RB1: variants seen among roughly 807,000 people sequenced by gnomAD.
The protein encoded by RB1 is RB transcriptional corepressor 1, also known as retinoblastoma-associated protein.
In RB1, 18 loss-of-function variants were observed where a neutral mutation model predicts 135.4. That is an observed-to-expected ratio of 0.13 (90% CI 0.09 to 0.20). The LOEUF is 0.20. RB1 is among the 10% of genes least tolerant of loss of function. The pLI is 1.00. For missense variants in RB1, 868 were observed against 1,110.0 expected (o/e 0.78, Z 3.10); for synonymous variants, 365 against 373.2 (o/e 0.98, Z 0.25).
At chr13:48,450,038 T>C (rs540966159) in intron 17 of RB1, among the ~76,000 whole-genome samples, 3 of 152,184 alleles carry the variant, frequency 2.0e-5, no homozygotes, top group Non-Finnish European at 4.4e-5. Flanking sequence ...ATGGATAGAT[T>C]GCAAAAATTT....
At chr13:48,311,309 G>A (rs1952128713) in intron 2 of RB1, among the ~76,000 whole-genome samples, 1 of 152,140 alleles carries the variant, frequency 6.6e-6, no homozygotes, top group Non-Finnish European at 1.5e-5. Context: ...TTGTGATATG[G>A]TGGTTATATT....
chr13:48,331,161 C>T (rs1426606690), intron 2 of RB1, among the ~76,000 whole-genome samples: 2 of 152,142 alleles, frequency 1.3e-5, no homozygotes. Context: ...ACGTGATAAG[C>T]CCACAGCTAG....
intron 17 of RB1, among the ~76,000 whole-genome samples, chr13:48,395,068 C>A (rs1948637391): frequency 7.6e-6 from 1 of 132,436 alleles, no homozygotes; most frequent in African/African-American, 2.7e-5. Flanking sequence ...GCAATCTTTG[C>A]TCTTCTGCAA....
intron 2 of RB1, among the ~76,000 whole-genome samples, chr13:48,316,140 C>T (rs560456198): frequency 1.1e-4 from 16 of 152,140 alleles, no homozygotes; most frequent in Non-Finnish European, 1.6e-4. Context: ...CTGACATCCG[C>T]GGGGATTTCA....
At chr13:48,423,030 T>C (rs780991274) in intron 17 of RB1, among the ~76,000 whole-genome samples, 2 of 152,016 alleles carry the variant, frequency 1.3e-5, no homozygotes, top group Non-Finnish European at 2.9e-5. Context: ...CTAGGGAGGC[T>C]GAGGTGGGTG....
intron 2 of RB1, among the ~76,000 whole-genome samples, chr13:48,326,218 A>C (rs1952285849): frequency 6.6e-6 from 1 of 152,148 alleles, no homozygotes; most frequent in Admixed American, 6.5e-5. Context: ...TTATTGAATA[A>C]ATCGAATACA....
At chr13:48,348,753 A>T (rs1248167949) in intron 5 of RB1, among the ~76,000 whole-genome samples, 1 of 151,262 alleles carries the variant, frequency 6.6e-6, no homozygotes, top group Non-Finnish European at 1.5e-5. Context: ...TCTTAGAATT[A>T]TAAGACATAG....
In RB1 at chr13:48,313,803, C is replaced by T. The variant is rs544875951; in HGVS notation, c.264+6397C>T. 2.4e-3 allele frequency among the ~76,000 whole-genome samples: 303 copies of T among 124,402 alleles called. No individual in the cohort carries two copies. In the Middle Eastern group the frequency reaches 0.034, roughly 14 times the overall value. 81.6% of individuals were successfully genotyped at this position (124,402 alleles called of 152,430 possible). A position where few individuals can be genotyped will look rare whatever the true frequency, so the allele number is the denominator to read the frequency against. ...TCGCTCTGTCGCCCAGGCTGGAGTG[C>T]GGTGGCACAATCTCGGCTTCCTGCA... On this transcript the variant is annotated intron_variant, in intron 2 of 26. Transcript: ENST00000267163.
chr13:48,381,227 C>CTTTTTTTTTTTTTTT lies in RB1; in HGVS notation c.1499-10_1499-9insTTTTTTTTTTTTTTT. 1 of 1,473,572 alleles carries CTTTTTTTTTTTTTTT rather than the reference C, an allele frequency of 6.8e-7. No homozygotes were observed. Among genetic ancestry groups the CTTTTTTTTTTTTTTT allele is most frequent in the East Asian group, 2.5e-5 (1 of 40,178 alleles). The allele number at this position is 1,473,572 out of a possible 1,614,324, so 91.3% of individuals were successfully genotyped here. On this transcript the variant is annotated intron_variant, in intron 16 of 26. Coordinates refer to ENST00000267163, the MANE Select transcript of RB1 (RefSeq NM_000321.3). ...AGGGTTAATATTTCATAAATAGTTA[C>CTTTTTTTTTTTTTTT]TTTTTTTTTTCATTTTTAGGAAGTA...
chr13:48,429,988 A>G (rs1949113346), intron 17 of RB1, among the ~76,000 whole-genome samples: 1 of 152,176 alleles, frequency 6.6e-6, no homozygotes, highest in East Asian at 1.9e-4. Context: ...TCCAGTAAAA[A>G]TCTCAGTATG....
At position 48,480,593 on chromosome 13, in the gene RB1, T is replaced by C. The variant is rs886327988; in HGVS notation, c.*522T>C. The C allele has an allele frequency of 4.4e-6, 1 of 226,400 alleles. No individual in the cohort carries two copies. Among genetic ancestry groups the C allele is most frequent in the African/African-American group, 2.2e-5 (1 of 44,968 alleles). The allele number at this position is 226,400 out of a possible 1,614,324, so 14.0% of individuals were successfully genotyped here. A position where few individuals can be genotyped will look rare whatever the true frequency, so the allele number is the denominator to read the frequency against. On this transcript the variant is annotated 3_prime_UTR_variant, in exon 27 of 27. Coordinates refer to ENST00000267163, the MANE Select transcript of RB1 (RefSeq NM_000321.3). Reference sequence around the variant, plus strand: ...AACTCTTCTGCAAAAATGGATATTATTAGAAATTAGAAAAAAATTACTAAT... The same window carrying C: ...AACTCTTCTGCAAAAATGGATATTACTAGAAATTAGAAAAAAATTACTAAT...
At chr13:48,314,008 AAAGTG>A (rs1952157754) in intron 2 of RB1, among the ~76,000 whole-genome samples, 1 of 152,096 alleles carries the variant, frequency 6.6e-6, no homozygotes, top group Non-Finnish European at 1.5e-5. Context: ...TCGGCCTCCC[AAAGTG>A]CTGGGATTAC....
rs928846380 is a variant in RB1, at chr13:48,449,594, C to CA, written c.1696-3391dup. Among the ~76,000 whole-genome samples the CA allele has an allele frequency of 3.7e-4, 56 of 151,934 alleles. 1 individual carries two copies. In the South Asian group the frequency reaches 6.6e-3, roughly 18 times the overall value. ...ACAACATAGGGAGACCCTGTCTCTA[C>CA]AAAAAAAATTTCAGAAAATTAGCTG... On this transcript the variant is annotated intron_variant, in intron 17 of 26. Transcript: ENST00000267163.
At chr13:48,356,152 T>G (rs994808252) in intron 6 of RB1, among the ~76,000 whole-genome samples, 5 of 152,100 alleles carry the variant, frequency 3.3e-5, no homozygotes, top group Non-Finnish European at 7.4e-5. Flanking sequence ...TGCATGCCTG[T>G]ATCAAAACAT....
intron 17 of RB1, among the ~76,000 whole-genome samples, chr13:48,440,494 G>C (rs1949226545): frequency 6.6e-6 from 1 of 152,126 alleles, no homozygotes; most frequent in Non-Finnish European, 1.5e-5. Flanking sequence ...TACATGCATA[G>C]CCTGATGGGC....
chr13:48,313,933 T>C (rs562971545), intron 2 of RB1, among the ~76,000 whole-genome samples: 108 of 152,098 alleles, frequency 7.1e-4, no homozygotes, highest in African/African-American at 2.6e-3. Context: ...GTATTTTTAG[T>C]AGAGACGGGG....
chr13:48,454,687 T>C (rs1317312338), intron 18 of RB1, among the ~76,000 whole-genome samples: 1 of 152,224 alleles, frequency 6.6e-6, no homozygotes, highest in African/African-American at 2.4e-5. Flanking sequence ...GCTGATAGAA[T>C]GCTTAGTGGC....
chr13:48,473,161 T>C (rs1243664956), intron 23 of RB1, among the ~76,000 whole-genome samples, 199 bp from the exon 24 acceptor site: 1 of 152,200 alleles, frequency 6.6e-6, no homozygotes, highest in Admixed American at 6.5e-5. Flanking sequence ...GCTTTAAAAC[T>C]AAGAGACTAG....
intron 2 of RB1, chr13:48,317,066 G>T: frequency 1.3e-6 from 1 of 757,006 alleles, no homozygotes; most frequent in Non-Finnish European, 1.9e-6. Context: ...TCTGTGCCTT[G>T]CTGCTTGGCC....
Sources: gnomAD v4.1 joint callset for allele counts (sites outside exome capture counted in the v4.1 genomes callset) on GRCh38, gnomAD v4.1.1 for gene constraint, MANE v1.5 for transcripts, NCBI Gene and HGNC (gene_info 2026-07-23, HGNC 2026-07-21) for gene names.